Variants in MSRA observed in about 807,000 individuals in gnomAD.
MSRA encodes the protein methionine sulfoxide reductase A, also known as mitochondrial peptide methionine sulfoxide reductase.
Under a neutral mutation model 31.3 loss-of-function variants are expected in MSRA, and 54 were observed. The ratio of observed to expected loss-of-function variants is 1.73; its 90% CI spans 1.39 to 2.17. The LOEUF (loss-of-function observed/expected upper bound fraction) is 2.17, where lower values mean the gene tolerates loss of function less well. MSRA is among the 30% of genes most tolerant of loss of function. MSRA has a pLI of 0.00. For synonymous variants in MSRA, 169 were observed against 116.5 expected, an observed-to-expected ratio of 1.45 and a Z score of -2.90; for missense variants, 507 against 300.9, an observed-to-expected ratio of 1.69 and a Z score of -5.07.
intron 1 of MSRA, among the ~76,000 whole-genome samples, chr8:10,203,386 G>A (rs116413182): frequency 0.018 from 2,724 of 152,248 alleles, 82 homozygotes; most frequent in African/African-American, 0.059. Context: ...AGGAACACAC[G>A]CATGTACACA....
At chr8:10,123,704 C>G (rs1225717358) in intron 1 of MSRA, among the ~76,000 whole-genome samples, 1 of 152,042 alleles carries the variant, frequency 6.6e-6, no homozygotes, top group African/African-American at 2.4e-5. Context: ...CAGTTTCAAT[C>G]TTCTGCATGT....
intron 2 of MSRA, among the ~76,000 whole-genome samples, chr8:10,220,002 T>C (rs1279955863): frequency 2.6e-5 from 4 of 151,946 alleles, no homozygotes; most frequent in Non-Finnish European, 2.9e-5. Flanking sequence ...TGAAGCAACA[T>C]GGTTGAACCA....
chr8:10,298,335 C>T (rs552545971), intron 3 of MSRA, among the ~76,000 whole-genome samples: 13 of 152,168 alleles, frequency 8.5e-5, no homozygotes, highest in African/African-American at 2.7e-4. Flanking sequence ...ATGGGTGAAC[C>T]TTGAGGACAT....
chr8:10,203,584 A>T (rs1184982357), intron 1 of MSRA, among the ~76,000 whole-genome samples: 1 of 152,230 alleles, frequency 6.6e-6, no homozygotes, highest in Middle Eastern at 3.2e-3. Flanking sequence ...TTGTAAACAA[A>T]CCTACTGCAC....
intron 1 of MSRA, among the ~76,000 whole-genome samples, chr8:10,180,932 T>A (rs565586479): frequency 5.1e-4 from 77 of 152,364 alleles, no homozygotes; most frequent in South Asian, 2.9e-3. Context: ...TTTAGTTGAC[T>A]TCCTGGACTT....
At chr8:10,184,550 C>T (rs116199973) in intron 1 of MSRA, among the ~76,000 whole-genome samples, 3,740 of 152,138 alleles carry the variant, frequency 0.025, 64 homozygotes, top group South Asian at 0.052. Context: ...TTATTTTTAA[C>T]ACTTCCCTGA....
intron 1 of MSRA, among the ~76,000 whole-genome samples, chr8:10,162,514 C>T (rs1324487609): frequency 6.6e-6 from 1 of 152,094 alleles, no homozygotes; most frequent in African/African-American, 2.4e-5. Context: ...CTGATGGGCA[C>T]CCCCTGTTGA....
At chr8:10,346,893 G>T (rs1044134369) in intron 5 of MSRA, among the ~76,000 whole-genome samples, 5 of 152,164 alleles carry the variant, frequency 3.3e-5, no homozygotes, top group Non-Finnish European at 7.4e-5. Flanking sequence ...GCTGGTTGCT[G>T]CAGGTTGTGG....
intron 3 of MSRA, among the ~76,000 whole-genome samples, chr8:10,249,926 A>T (rs1228315695): frequency 6.6e-6 from 1 of 152,194 alleles, no homozygotes; most frequent in Non-Finnish European, 1.5e-5. Flanking sequence ...TACTTGAATA[A>T]ATTAAATATG....
intron 3 of MSRA, among the ~76,000 whole-genome samples, chr8:10,247,973 G>T (rs765971071): frequency 5.9e-5 from 9 of 152,150 alleles, no homozygotes; most frequent in South Asian, 2.1e-4. Context: ...GGAGAGGGGT[G>T]GGGGAGACAT....
chr8:10,410,720 G>A (rs996800120), intron 5 of MSRA, among the ~76,000 whole-genome samples: 2 of 152,148 alleles, frequency 1.3e-5, no homozygotes, highest in Non-Finnish European at 2.9e-5. Flanking sequence ...GATATTTTAA[G>A]GAGTGTTTGA....
At chr8:10,193,794 C>T (rs534568875) in intron 1 of MSRA, among the ~76,000 whole-genome samples, 1 of 152,130 alleles carries the variant, frequency 6.6e-6, no homozygotes, top group African/African-American at 2.4e-5. Flanking sequence ...ACCAAGTCTG[C>T]TATCTCAGAA....
intron 4 of MSRA, among the ~76,000 whole-genome samples, chr8:10,314,929 T>A (rs903345504): frequency 6.6e-6 from 1 of 152,166 alleles, no homozygotes; most frequent in Non-Finnish European, 1.5e-5. Context: ...AATAAAGACA[T>A]ACCGGAGACT....
chr8:10,327,801 T>C (rs987192830), intron 5 of MSRA, among the ~76,000 whole-genome samples: 2 of 152,024 alleles, frequency 1.3e-5, no homozygotes, highest in East Asian at 1.9e-4. Context: ...GGCGTGGTGG[T>C]GGGCGCCTGT....
At chr8:10,380,953 A>G (rs972725309) in intron 5 of MSRA, among the ~76,000 whole-genome samples, 2 of 151,980 alleles carry the variant, frequency 1.3e-5, no homozygotes, top group African/African-American at 4.8e-5. Flanking sequence ...GGAGGCATGG[A>G]TAGATGGACG....
chr8:10,319,976 A>G lies in MSRA; in HGVS notation c.530A>G (p.Glu177Gly), dbSNP rs778018040. 3 of 1,598,494 alleles carry G rather than the reference A, an allele frequency of 1.9e-6. No individual in the cohort carries two copies. The South Asian group carries it at 3.5e-5, about 18-fold the overall frequency. Residue 177 changes from glutamate (E) to glycine (G), a missense_variant, in exon 5 of 6, where the codon GAG (glutamate) becomes GGG (glycine). Glu to Gly is a moderately conservative substitution (Grantham distance 98). Transcript: ENST00000317173. Reference protein sequence around the residue: ...KQMEAALSSKENYQKVLSEHG... With the variant: ...KQMEAALSSKGNYQKVLSEHG... The stretch of plus-strand genomic sequence containing the variant: ...ATGGAGGCAGCCCTGAGCTCCAAAG[A>G]GAACTACCAAAAGGTAGGGATTGCT...
chr8:10,189,326 C>T (rs576573224), intron 1 of MSRA, among the ~76,000 whole-genome samples: 26 of 151,940 alleles, frequency 1.7e-4, no homozygotes, highest in African/African-American at 6.0e-4. Context: ...CATTTTTGTA[C>T]GATTTTTATT....
At chr8:10,316,654 T>C (rs1376050228) in intron 4 of MSRA, among the ~76,000 whole-genome samples, 1 of 151,150 alleles carries the variant, frequency 6.6e-6, no homozygotes, top group Admixed American at 6.6e-5. Context: ...ATTTATTCAG[T>C]GTTTTAAATT....
At chr8:10,261,635 A>C (rs1798490257) in intron 3 of MSRA, among the ~76,000 whole-genome samples, 1 of 152,216 alleles carries the variant, frequency 6.6e-6, no homozygotes, top group Non-Finnish European at 1.5e-5. Flanking sequence ...CGCCTGCCAC[A>C]CATACATCCA....
Sources: gnomAD v4.1 joint callset for allele counts (sites outside exome capture counted in the v4.1 genomes callset) on GRCh38, gnomAD v4.1.1 for gene constraint, MANE v1.5 for transcripts, NCBI Gene and HGNC (gene_info 2026-07-23, HGNC 2026-07-21) for gene names.